The following THOC5 variants were observed in gnomAD, a reference collection of about 807,000 sequenced individuals.
THOC5 encodes THO complex subunit 5, also known as Fms-interacting protein.
Under a neutral mutation model 92.9 loss-of-function variants are expected in THOC5, and 43 were observed. The observed-to-expected ratio is 0.46, with a 90% confidence interval of 0.36 to 0.60. The LOEUF (loss-of-function observed/expected upper bound fraction) is 0.60, where lower values mean the gene tolerates loss of function less well. Among genes scored for constraint, THOC5 ranks in the 20% least tolerant of loss-of-function variants. The pLI, the probability that THOC5 is intolerant of heterozygous loss-of-function variation, is 0.00. For synonymous variants in THOC5, 296 were observed against 320.1 expected, an observed-to-expected ratio of 0.92 and a Z score of 0.80; for missense variants, 659 against 849.4, an observed-to-expected ratio of 0.78 and a Z score of 2.79.
chr22:29,522,196 A>AC (rs1034867726), intron 12 of THOC5, among the ~76,000 whole-genome samples: 1 of 77,330 alleles, frequency 1.3e-5, no homozygotes, highest in Non-Finnish European at 3.0e-5. Flanking sequence ...TAAAAATACA[A>AC]AAAAAAAAAA....
chr22:29,520,679 A>G (rs2063423066), intron 13 of THOC5, among the ~76,000 whole-genome samples: 1 of 152,110 alleles, frequency 6.6e-6, no homozygotes, highest in Non-Finnish European at 1.5e-5. Context: ...TATTTCTTGT[A>G]GAGACAGGGT....
chr22:29,526,937 G>A (rs1435973161), intron 11 of THOC5, among the ~76,000 whole-genome samples: 2 of 152,062 alleles, frequency 1.3e-5, no homozygotes, highest in African/African-American at 2.4e-5. Flanking sequence ...GACAGAAAAA[G>A]GACATTAATT....
intron 5 of THOC5, among the ~76,000 whole-genome samples, chr22:29,541,575 G>A (rs550724616): frequency 2.2e-4 from 32 of 148,822 alleles, no homozygotes; most frequent in Non-Finnish European, 4.2e-4. Context: ...AAAATATTCC[G>A]GACCCACCGG....
rs2063255319 is a variant in THOC5, at chr22:29,513,037, C to T, written c.1682-901G>A. 3.3e-5 allele frequency among the ~76,000 whole-genome samples: 5 copies of T among 152,136 alleles called. 1 individual carries two copies. Among genetic ancestry groups the T allele is most frequent in the Admixed American group, 3.3e-4 (5 of 15,274 alleles). ...GAGAGGAGAGGTTAACACAATTCTT[C>T]CCTAACAGTCAGAACATTAATTAAA... On this transcript the variant is annotated intron_variant, in intron 17 of 19. Coordinates refer to ENST00000490103, the MANE Select transcript of THOC5 (RefSeq NM_003678.5).
intron 14 of THOC5, 49 bp downstream of exon 14, chr22:29,519,959 A>G (rs754805467): frequency 6.6e-7 from 1 of 1,506,790 alleles, no homozygotes; most frequent in Non-Finnish European, 9.2e-7. Flanking sequence ...CTATACAGGA[A>G]GAGAAGAGGT....
intron 7 of THOC5, among the ~76,000 whole-genome samples, chr22:29,532,477 GAC>G (rs1347668268): frequency 6.8e-6 from 1 of 146,750 alleles, no homozygotes; most frequent in Non-Finnish European, 1.5e-5. Context: ...CAGCCTGACG[GAC>G]ACAGAGAACC....
At chr22:29,546,007 C>T (rs922706654) in intron 2 of THOC5, among the ~76,000 whole-genome samples, 1 of 152,262 alleles carries the variant, frequency 6.6e-6, no homozygotes, top group African/African-American at 2.4e-5. Flanking sequence ...TGTTTCCGTA[C>T]ATCTTCTGAA....
chr22:29,510,056 A>G (rs2063195002), intron 19 of THOC5, among the ~76,000 whole-genome samples: 1 of 152,240 alleles, frequency 6.6e-6, no homozygotes, highest in Admixed American at 6.5e-5. Context: ...ATGCCTGAGC[A>G]GTGAAATCTG....
Position 29,508,367 on chromosome 22 carries a change from A to G in THOC5, c.*90T>C, listed in dbSNP as rs16987728. 13,159 of 1,332,026 alleles carry G rather than the reference A, an allele frequency of 9.9e-3. 958 individuals are homozygous for G. The African/African-American group carries it at 0.16, about 17-fold the overall frequency. The allele number at this position is 1,332,026 out of a possible 1,614,324, so 82.5% of individuals were successfully genotyped here. On this transcript the variant is annotated 3_prime_UTR_variant, in exon 20 of 20. Transcript: ENST00000490103. Reference sequence around the variant, plus strand: ...TTTAATTGGCTGGTGTCTTTGGAGAATATCAAGAGTCACATGTGGGCCAGA... The same window carrying G: ...TTTAATTGGCTGGTGTCTTTGGAGAGTATCAAGAGTCACATGTGGGCCAGA...
At chr22:29,516,466 C>A (rs1457800243) in intron 17 of THOC5, among the ~76,000 whole-genome samples, 1 of 152,212 alleles carries the variant, frequency 6.6e-6, no homozygotes, top group African/African-American at 2.4e-5. Flanking sequence ...ACGGGCAGTG[C>A]CAGGCTTGCT....
intron 4 of THOC5, 82 bp downstream of exon 4, chr22:29,543,347 C>CA (rs59948387): frequency 0.12 from 56,515 of 456,254 alleles, 1,455 homozygotes; most frequent in African/African-American, 0.16. Context: ...GACTCTGTCT[C>CA]AAAAAAAAAA....
At chr22:29,511,341 G>T (rs1180375966) in intron 18 of THOC5, 45 bp from the exon 19 acceptor site, 3 of 1,581,844 alleles carry the variant, frequency 1.9e-6, no homozygotes, top group African/African-American at 2.7e-5. Context: ...CTTCCTGCAT[G>T]TGGGGGACCA....
Position 29,543,347 on chromosome 22 carries a change from C to CAAAAAA in THOC5, c.354+76_354+81dup, listed in dbSNP as rs59948387. The CAAAAAA allele has an allele frequency of 2.1e-3, 956 of 466,006 alleles. 27 individuals carry two copies. The African/African-American group carries it at 0.035, about 17-fold the overall frequency. The allele number at this position is 466,006 out of a possible 1,614,324, so 28.9% of individuals were successfully genotyped here. ...TGGGGGACAGAACGAGACTCTGTCT[C>CAAAAAA]AAAAAAAAAAAAAAAAAAAAAAAAA... On this transcript the variant is annotated intron_variant, in intron 4 of 19. Transcript: ENST00000490103.
In THOC5 at chr22:29,531,876, G is replaced by A; in HGVS notation, c.802C>T (p.Leu268Phe). The A allele has an allele frequency of 6.2e-7, 1 of 1,614,204 alleles. No homozygotes were observed. Among genetic ancestry groups the A allele is most frequent in the Non-Finnish European group, 8.5e-7 (1 of 1,180,036 alleles). Residue 268 changes from leucine (L) to phenylalanine (F), a missense_variant, in exon 8 of 20, where the codon CTC becomes TTC. Coordinates refer to ENST00000490103, the MANE Select transcript of THOC5 (RefSeq NM_003678.5). The stretch of plus-strand genomic sequence containing the variant: ...GTGGCCTGAACAAAGAGGACATAGA[G>A]GGGAGGCGGCAGGTGTCTGGCTGTC... Reference protein sequence around the residue: ...YETARHLPPPLYVLFVQATAY... With the variant: ...YETARHLPPPFYVLFVQATAY...
At chr22:29,530,443 C>A (rs940297541) in intron 8 of THOC5, among the ~76,000 whole-genome samples, 1 of 151,808 alleles carries the variant, frequency 6.6e-6, no homozygotes, top group African/African-American at 2.4e-5. Context: ...TTGCTTGAAC[C>A]TGGGAAGCAG....
At chr22:29,523,037 C>T (rs2146476056) in intron 12 of THOC5, among the ~76,000 whole-genome samples, 1 of 149,366 alleles carries the variant, frequency 6.7e-6, no homozygotes, top group East Asian at 2.0e-4. Flanking sequence ...ACCATTAACT[C>T]TTAAGACTGG....
intron 1 of THOC5, among the ~76,000 whole-genome samples, chr22:29,551,612 T>A (rs961576890): frequency 1.3e-5 from 2 of 152,022 alleles, no homozygotes; most frequent in African/African-American, 4.8e-5. Context: ...TAGCCTAGTA[T>A]GGCGGTGCAC....
chr22:29,528,367 C>A, intron 10 of THOC5, 59 bp downstream of exon 10: 1 of 1,614,100 alleles, frequency 6.2e-7, no homozygotes, highest in Non-Finnish European at 8.5e-7. Flanking sequence ...CACCTGCGAA[C>A]AAGCATGCCC....
At chr22:29,519,808 A>G (rs2270077) in intron 14 of THOC5, among the ~76,000 whole-genome samples, 200 bp downstream of exon 14, 38,640 of 151,582 alleles carry the variant, frequency 0.25, 4,983 homozygotes, top group East Asian at 0.32. Flanking sequence ...AATTTTTTGT[A>G]TTTTTAGTAG....
Sources: gnomAD v4.1 joint callset for allele counts (sites outside exome capture counted in the v4.1 genomes callset) on GRCh38, gnomAD v4.1.1 for gene constraint, MANE v1.5 for transcripts, NCBI Gene and HGNC (gene_info 2026-07-23, HGNC 2026-07-21) for gene names.